SLIRP: variants seen among roughly 807,000 people sequenced by gnomAD.
SLIRP encodes SRA stem-loop-interacting RNA-binding protein, mitochondrial.
SLIRP carries 12 observed loss-of-function variants against 13.4 expected under a neutral mutation model. The observed-to-expected ratio is 0.89, with a 90% confidence interval of 0.57 to 1.45. SLIRP has a LOEUF of 1.45. SLIRP is among the 40% of genes most tolerant of loss of function. SLIRP has a pLI of 0.00. For missense variants in SLIRP, 154 were observed against 132.2 expected, an observed-to-expected ratio of 1.17 and a Z score of -0.81; for synonymous variants, 55 against 47.1, an observed-to-expected ratio of 1.17 and a Z score of -0.69.
chr14:77,710,082 G>A (rs1302608807), intron 1 of SLIRP, among the ~76,000 whole-genome samples: 1 of 152,170 alleles, frequency 6.6e-6, no homozygotes, highest in African/African-American at 2.4e-5. Context: ...GTAAATCAGT[G>A]AAGTACAAGC....
chr14:77,712,274 C>G (rs1186175018), intron 2 of SLIRP, among the ~76,000 whole-genome samples: 1 of 89,130 alleles, frequency 1.1e-5, no homozygotes, highest in South Asian at 4.3e-4. Context: ...TGGCAAAATT[C>G]CTTTTTTTTT....
At chr14:77,708,271 C>CT in intron 1 of SLIRP, 63 bp downstream of exon 1, 1 of 1,539,444 alleles carries the variant, frequency 6.5e-7, no homozygotes, top group East Asian at 2.2e-5. Context: ...AAAGCTTCTG[C>CT]TTTTTGCAGG....
rs1405422320 is a variant in SLIRP, at chr14:77,708,103, A to G, written c.-9A>G. 1 of 1,613,724 alleles carries G rather than the reference A, an allele frequency of 6.2e-7. No individual in the cohort carries two copies. The highest frequency in any genetic ancestry group is 1.3e-5 in the African/African-American group (1 of 74,904). ...CGACCTCGGCTCGAGAAGGTGCTTT[A>G]GTCTGAAGATGGCGGCCTCAGCAGC... is the stretch of plus-strand genomic sequence containing the variant. On this transcript the variant is annotated 5_prime_UTR_variant, in exon 1 of 4. Transcript: ENST00000557342.
intron 2 of SLIRP, among the ~76,000 whole-genome samples, chr14:77,712,487 T>C (rs1419105607): frequency 7.7e-5 from 10 of 129,604 alleles, no homozygotes; most frequent in African/African-American, 2.7e-4. Flanking sequence ...CTCTGTGGCC[T>C]AGGCTGGAGT....
Position 77,717,569 on chromosome 14 carries a change from G to A in SLIRP, c.*8G>A, listed in dbSNP as rs1353780074. 6.2e-7 allele frequency: 1 copy of A among 1,609,930 alleles called. No individual in the cohort carries two copies. The highest frequency in any genetic ancestry group is 8.5e-7 in the Non-Finnish European group (1 of 1,177,266). ...GAAAAGAAAGATTTTTGAGACTGCA[G>A]CCTATTAATAAAGTTAACATAACTG... On this transcript the variant is annotated 3_prime_UTR_variant, in exon 4 of 4. Transcript: ENST00000557342.
rs114145949 is a variant in SLIRP, at chr14:77,710,009, T to C, written c.98-829T>C. ...GGGATGAAGAGACTTAGAACAAATA[T>C]AGGCAATTGTTGAACCAGTGAGGTT... On this transcript the variant is annotated intron_variant, in intron 1 of 3. Transcript: ENST00000557342. Among the ~76,000 whole-genome samples the C allele has an allele frequency of 4.9e-4, 74 of 152,308 alleles. 1 individual carries two copies. Among genetic ancestry groups the C allele is most frequent in the African/African-American group, 1.8e-3 (74 of 41,566 alleles).
Position 77,708,823 on chromosome 14 carries a change from C to G in SLIRP, c.97+615C>G, listed in dbSNP as rs2080417155. ...AGAAACTTGTGAGGTTTCCGTCAGG[C>G]AATTGGACAAAGGTTGTATATCATT... On this transcript the variant is annotated intron_variant, in intron 1 of 3. Transcript: ENST00000557342. 2.0e-5 allele frequency among the ~76,000 whole-genome samples: 3 copies of G among 152,162 alleles called. No individual in the cohort carries two copies. The South Asian group carries it at 6.2e-4, about 32-fold the overall frequency.
chr14:77,712,080 A>G (rs2139877523), intron 2 of SLIRP: 1 of 152,290 alleles, frequency 6.6e-6, no homozygotes, highest in South Asian at 2.1e-4. Flanking sequence ...TTGTTGTATA[A>G]CAAAATACCA....
intron 2 of SLIRP, among the ~76,000 whole-genome samples, chr14:77,712,738 G>GCC (rs778766612): frequency 1.2e-4 from 18 of 152,272 alleles, no homozygotes; most frequent in Admixed American, 2.6e-4. Flanking sequence ...GAGCCTTCAT[G>GCC]CCCGGCCATA....
chr14:77,708,106 C>T lies in SLIRP; in HGVS notation c.-6C>T, dbSNP rs751771605. On this transcript the variant is annotated 5_prime_UTR_variant, in exon 1 of 4. Coordinates refer to ENST00000557342, the MANE Select transcript of SLIRP (RefSeq NM_031210.6). ...CCTCGGCTCGAGAAGGTGCTTTAGT[C>T]TGAAGATGGCGGCCTCAGCAGCGAG... 8.1e-6 allele frequency: 13 copies of T among 1,613,732 alleles called. No homozygotes were observed. Among genetic ancestry groups the T allele is most frequent in the East Asian group, 2.2e-5 (1 of 44,884 alleles).
chr14:77,714,918 T>A (rs1318559081), intron 2 of SLIRP, among the ~76,000 whole-genome samples: 1 of 152,218 alleles, frequency 6.6e-6, no homozygotes, highest in Non-Finnish European at 1.5e-5. Flanking sequence ...CACTCTAGAA[T>A]CTGTTTTCCG....
chr14:77,713,119 G>T (rs1032073000), intron 2 of SLIRP, among the ~76,000 whole-genome samples: 1 of 152,046 alleles, frequency 6.6e-6, no homozygotes, highest in African/African-American at 2.4e-5. Context: ...ATTCTAATAA[G>T]GACTTGAGAT....
At chr14:77,716,117 C>T (rs964218480) in intron 3 of SLIRP, 4 of 332,190 alleles carry the variant, frequency 1.2e-5, no homozygotes, top group Non-Finnish European at 2.2e-5. Flanking sequence ...GAGATCGAGA[C>T]CATCCTGGCT....
chr14:77,713,022 C>A (rs1392672529), intron 2 of SLIRP, among the ~76,000 whole-genome samples: 3 of 152,028 alleles, frequency 2.0e-5, no homozygotes, highest in Non-Finnish European at 4.4e-5. Flanking sequence ...TCTCCTCCAC[C>A]CAAGGAGGGG....
intron 2 of SLIRP, chr14:77,712,117 A>C (rs2080445204): frequency 6.6e-6 from 1 of 152,186 alleles, no homozygotes; most frequent in African/African-American, 2.4e-5. Context: ...AAAACAACAC[A>C]TCTCTCACAG....
rs115720421 is a variant in SLIRP at position 77,709,436 on chromosome 14, C to T, written c.97+1228C>T. Among the ~76,000 whole-genome samples, 1,203 of 152,284 alleles carry T rather than the reference C, an allele frequency of 7.9e-3. 11 individuals are homozygous for T. The highest frequency in any genetic ancestry group is 0.028 in the African/African-American group (1,148 of 41,542). ...TGAAGACCAAGCCCAGTAAAGTCTC[C>T]CGTAGTCCCTGTGAAACTTTATGGA... On this transcript the variant is annotated intron_variant, in intron 1 of 3. Transcript: ENST00000557342.
chr14:77,710,119 G>T (rs1190091651), intron 1 of SLIRP, among the ~76,000 whole-genome samples: 1 of 152,128 alleles, frequency 6.6e-6, no homozygotes, highest in East Asian at 1.9e-4. Context: ...GAAACAGATC[G>T]TGTAGTTTTT....
intron 2 of SLIRP, among the ~76,000 whole-genome samples, chr14:77,711,201 A>C (rs1226746455): frequency 1.4e-5 from 2 of 145,604 alleles, no homozygotes; most frequent in Non-Finnish European, 3.0e-5. Context: ...ATAAATATAC[A>C]TATTTATATA....
chr14:77,710,987 G>A, intron 2 of SLIRP, 91 bp downstream of exon 2: 1 of 1,020,642 alleles, frequency 9.8e-7, no homozygotes, highest in Non-Finnish European at 1.5e-6. Context: ...TAGTACAACA[G>A]GGTGACTATG....
Sources: gnomAD v4.1 joint callset for allele counts (sites outside exome capture counted in the v4.1 genomes callset) on GRCh38, gnomAD v4.1.1 for gene constraint, MANE v1.5 for transcripts, NCBI Gene and HGNC (gene_info 2026-07-23, HGNC 2026-07-21) for gene names.